The following UBR3 variants were observed in gnomAD, a reference collection of about 807,000 sequenced individuals.
The protein encoded by UBR3 is E3 ubiquitin-protein ligase UBR3.
UBR3 carries 85 observed loss-of-function variants against 243.2 expected under a neutral mutation model. That is an observed-to-expected ratio of 0.35 (90% CI 0.29 to 0.42). The LOEUF (loss-of-function observed/expected upper bound fraction) is 0.42. UBR3 is among the 10% of genes least tolerant of loss of function. UBR3 has a pLI of 1.00. For synonymous variants in UBR3, 748 were observed against 799.8 expected, an observed-to-expected ratio of 0.94 and a Z score of 1.09; for missense variants, 1,686 against 2,300.8, an observed-to-expected ratio of 0.73 and a Z score of 5.47.
At chr2:169,904,810 A>G (rs558058093) in intron 8 of UBR3, among the ~76,000 whole-genome samples, 1 of 152,314 alleles carries the variant, frequency 6.6e-6, no homozygotes, top group East Asian at 1.9e-4. Context: ...ATAAACATAC[A>G]GCTACCTCAG....
At chr2:169,990,139 A>G (rs966576401) in intron 25 of UBR3, among the ~76,000 whole-genome samples, 4 of 152,198 alleles carry the variant, frequency 2.6e-5, no homozygotes, top group Admixed American at 6.5e-5. Flanking sequence ...CAAACCATGT[A>G]TTAAAGAAAA....
At chr2:170,070,254 A>G (rs775578454) in intron 35 of UBR3, among the ~76,000 whole-genome samples, 2 of 152,174 alleles carry the variant, frequency 1.3e-5, no homozygotes, top group Non-Finnish European at 2.9e-5. Flanking sequence ...GGGAAACCAT[A>G]TGATCATTTC....
intron 1 of UBR3, among the ~76,000 whole-genome samples, chr2:169,831,121 AT>A (rs1251761457): frequency 1.8e-5 from 1 of 55,106 alleles, no homozygotes; most frequent in Non-Finnish European, 3.7e-5. Flanking sequence ...ATATATATAT[AT>A]ATATATTTTT....
At chr2:169,960,000 C>A (rs534436451) in intron 24 of UBR3, among the ~76,000 whole-genome samples, 1 of 152,068 alleles carries the variant, frequency 6.6e-6, no homozygotes, top group East Asian at 1.9e-4. Flanking sequence ...TCTGTAATCC[C>A]AGCACTTTGG....
chr2:169,945,252 C>A (rs1433582569), intron 20 of UBR3, among the ~76,000 whole-genome samples: 2 of 151,240 alleles, frequency 1.3e-5, no homozygotes, highest in Non-Finnish European at 2.9e-5. Flanking sequence ...TGCTGAAGGT[C>A]AACTAGGAAT....
chr2:169,881,951 T>TTAG, intron 5 of UBR3, among the ~76,000 whole-genome samples: 1 of 112,608 alleles, frequency 8.9e-6, no homozygotes, highest in African/African-American at 3.1e-5. Flanking sequence ...ATTACATATG[T>TTAG]ATGTATACAT....
At chr2:169,931,898 T>C (rs2086146307) in intron 18 of UBR3, among the ~76,000 whole-genome samples, 1 of 152,134 alleles carries the variant, frequency 6.6e-6, no homozygotes, top group East Asian at 1.9e-4. Flanking sequence ...CTTTATATAC[T>C]TAATACTTAA....
At chr2:170,070,008 A>T (rs1038998104) in intron 35 of UBR3, among the ~76,000 whole-genome samples, 1 of 152,120 alleles carries the variant, frequency 6.6e-6, no homozygotes, top group African/African-American at 2.4e-5. Context: ...TTTTTTAAAA[A>T]AATATTTTTG....
intron 1 of UBR3, among the ~76,000 whole-genome samples, chr2:169,841,914 T>C (rs993339257): frequency 6.6e-5 from 10 of 152,226 alleles, no homozygotes; most frequent in African/African-American, 2.2e-4. Context: ...GGCTGAGGAA[T>C]GCGAGCGCAC....
chr2:170,039,549 A>G (rs1237880586), intron 31 of UBR3, among the ~76,000 whole-genome samples: 1 of 152,182 alleles, frequency 6.6e-6, no homozygotes, highest in African/African-American at 2.4e-5. Context: ...TTCCTCTGTC[A>G]GCCAAAAGTT....
At chr2:170,025,076 T>C (rs1236206923) in intron 30 of UBR3, among the ~76,000 whole-genome samples, 2 of 152,184 alleles carry the variant, frequency 1.3e-5, no homozygotes, top group African/African-American at 2.4e-5. Flanking sequence ...ATGAATTTTA[T>C]GCTTATATTT....
At chr2:169,864,849 G>A (rs2083200568) in intron 1 of UBR3, among the ~76,000 whole-genome samples, 1 of 149,670 alleles carries the variant, frequency 6.7e-6, no homozygotes, top group South Asian at 2.1e-4. Flanking sequence ...GGAGCTTGCA[G>A]TGAGCCAAGA....
intron 19 of UBR3, among the ~76,000 whole-genome samples, chr2:169,940,538 T>C (rs2086540674): frequency 6.6e-6 from 1 of 152,228 alleles, no homozygotes; most frequent in African/African-American, 2.4e-5. Context: ...TTTTTATAAA[T>C]ATTCTAAGCG....
chr2:169,935,294 T>C (rs536287531), intron 19 of UBR3, among the ~76,000 whole-genome samples: 4 of 152,216 alleles, frequency 2.6e-5, no homozygotes, highest in African/African-American at 9.6e-5. Flanking sequence ...CCCCCCTGAG[T>C]AGCTAGGACT....
At chr2:169,942,137 A>G (rs945437790) in intron 19 of UBR3, among the ~76,000 whole-genome samples, 1 of 152,168 alleles carries the variant, frequency 6.6e-6, no homozygotes, top group East Asian at 1.9e-4. Flanking sequence ...TTTTCCAACC[A>G]TTCGTAGTGG....
chr2:169,834,791 C>A (rs1414845515), intron 1 of UBR3, among the ~76,000 whole-genome samples: 3 of 152,098 alleles, frequency 2.0e-5, no homozygotes, highest in Non-Finnish European at 4.4e-5. Flanking sequence ...AATGGGTAAG[C>A]AATATGTGGA....
Position 169,827,873 on chromosome 2 carries a change from G to T in UBR3, c.366G>T (p.Leu122=). 6.6e-7 allele frequency: 1 copy of T among 1,515,948 alleles called. No homozygotes were observed. 93.9% of individuals were successfully genotyped at this position (1,515,948 alleles called of 1,614,324 possible). A position where few individuals can be genotyped will look rare whatever the true frequency, so the allele number is the denominator to read the frequency against. Residue 122 remains leucine (L), a synonymous_variant, in exon 1 of 39, where the codon CTG becomes CTT. Transcript: ENST00000272793. ...ACGATCCCGCGGCGCTCTGCGGCCT[G>T]GTCTGGACAGCCAACTTCGTGGCCT... ...RAYDPAALCG[L]VWTANFVAYR... is the part of the protein sequence containing the mutation.
chr2:169,995,618 A>T (rs1453769049), intron 26 of UBR3, among the ~76,000 whole-genome samples: 1 of 152,190 alleles, frequency 6.6e-6, no homozygotes, highest in Non-Finnish European at 1.5e-5. Flanking sequence ...AACTTTTATT[A>T]TGGTAGGAAT....
chr2:169,872,763 T>G lies in UBR3; in HGVS notation c.685+388T>G, dbSNP rs184082326. Reference sequence around the variant, plus strand: ...TAGAAGATAAAATGTTTTATCAACTTTTTTTTAGAAGTCTGTATATATTTT... The same window carrying G: ...TAGAAGATAAAATGTTTTATCAACTGTTTTTTAGAAGTCTGTATATATTTT... On this transcript the variant is annotated intron_variant, in intron 2 of 38. Transcript: ENST00000272793. 2.3e-3 allele frequency among the ~76,000 whole-genome samples: 354 copies of G among 151,982 alleles called. 2 individuals are homozygous for G. The highest frequency in any genetic ancestry group is 8.3e-3 in the African/African-American group (343 of 41,494).
Sources: gnomAD v4.1 joint callset for allele counts (sites outside exome capture counted in the v4.1 genomes callset) on GRCh38, gnomAD v4.1.1 for gene constraint, MANE v1.5 for transcripts, NCBI Gene and HGNC (gene_info 2026-07-23, HGNC 2026-07-21) for gene names.